NAV3: variants seen among roughly 807,000 people sequenced by gnomAD.
The protein encoded by NAV3 is neuron navigator 3.
In NAV3, 87 loss-of-function variants were observed where a neutral mutation model predicts 244.7. The observed-to-expected ratio is 0.36, with a 90% CI of 0.30 to 0.42. NAV3 has a LOEUF of 0.42. NAV3 is among the 20% of genes least tolerant of loss of function. The pLI, the probability that NAV3 is intolerant of heterozygous loss-of-function variation, is 1.00. For missense variants in NAV3, 2,663 were observed against 2,893.3 expected, an observed-to-expected ratio of 0.92 and a Z score of 1.83; for synonymous variants, 1,126 against 1,042.2, an observed-to-expected ratio of 1.08 and a Z score of -1.55.
At chr12:78,009,129 A>G (rs1874771925) in intron 8 of NAV3, among the ~76,000 whole-genome samples, 2 of 152,222 alleles carry the variant, frequency 1.3e-5, no homozygotes, top group Admixed American at 1.3e-4. Context: ...CAGTGGAAAC[A>G]AATTTAGTGG....
chr12:78,089,999 A>G (rs549180671), intron 12 of NAV3, among the ~76,000 whole-genome samples: 3 of 152,102 alleles, frequency 2.0e-5, no homozygotes, highest in Admixed American at 2.0e-4. Flanking sequence ...TGACATTTAT[A>G]TGATCTTGTT....
At chr12:78,172,455 T>C (rs1958042789) in intron 24 of NAV3, among the ~76,000 whole-genome samples, 1 of 151,466 alleles carries the variant, frequency 6.6e-6, no homozygotes, top group Non-Finnish European at 1.5e-5. Flanking sequence ...TTTAGTCTAG[T>C]GGGAGAGCAG....
chr12:77,902,862 G>A (rs1247759086), intron 1 of NAV3, among the ~76,000 whole-genome samples: 8 of 152,152 alleles, frequency 5.3e-5, no homozygotes, highest in Admixed American at 1.3e-4. Flanking sequence ...GACAAACAGA[G>A]AGCCAAATCA....
intron 5 of NAV3, among the ~76,000 whole-genome samples, chr12:77,993,574 C>T (rs1871811210): frequency 6.6e-6 from 1 of 152,014 alleles, no homozygotes; most frequent in African/African-American, 2.4e-5. Flanking sequence ...TGAAAAGCTC[C>T]CTCTATATGA....
chr12:77,865,914 A>T (rs1879941846), intron 1 of NAV3, among the ~76,000 whole-genome samples: 1 of 137,708 alleles, frequency 7.3e-6, no homozygotes, highest in Admixed American at 7.7e-5. Context: ...GGTAATCAAC[A>T]TACTTTTAAA....
intron 11 of NAV3, among the ~76,000 whole-genome samples, chr12:78,054,529 C>A (rs1883201086): frequency 6.6e-6 from 1 of 152,056 alleles, no homozygotes; most frequent in African/African-American, 2.4e-5. Flanking sequence ...AGGAAATATG[C>A]AAAGTGAATT....
At position 77,734,659 on chromosome 12, in the gene NAV3, T is replaced by C. The variant is rs183056790; in HGVS notation, c.72+162393T>C. Among the ~76,000 whole-genome samples the C allele has an allele frequency of 1.4e-4, 21 of 152,286 alleles. No homozygotes were observed. The East Asian group carries it at 3.5e-3, about 25-fold the overall frequency. On this transcript the variant is annotated intron_variant, in intron 2 of 8. Coordinates refer to the NAV3 transcript ENST00000550042. ...AAATGTGCCTCATTTATTTATTTAT[T>C]TTTTTAAACCTCCAAATGTGGAAGG...
At chr12:78,011,334 A>T (rs562334627) in intron 8 of NAV3, among the ~76,000 whole-genome samples, 164 of 152,266 alleles carry the variant, frequency 1.1e-3, no homozygotes, top group Non-Finnish European at 1.1e-3. Flanking sequence ...AAGATTTTTT[A>T]AAAAAATCTC....
rs566438763 is a variant in NAV3 at position 77,919,775 on chromosome 12, C to T, written c.244-20544C>T. ...ACTGCTCTCAATGGCAATTATACTCCCTTTGCTTAATAGTTGATCAGATTA... is the reference window on the plus strand; with the variant it reads ...ACTGCTCTCAATGGCAATTATACTCTCTTTGCTTAATAGTTGATCAGATTA... On this transcript the variant is annotated intron_variant, in intron 1 of 39. Coordinates refer to ENST00000397909, the MANE Select transcript of NAV3 (RefSeq NM_001024383.2). Among the ~76,000 whole-genome samples, 14 of 151,960 alleles carry T rather than the reference C, an allele frequency of 9.2e-5. No individual in the cohort carries two copies. In the South Asian group the frequency reaches 2.9e-3, roughly 32 times the overall value.
chr12:77,994,979 T>TGCATCA, intron 6 of NAV3, 108 bp downstream of exon 6: 1 of 712,418 alleles, frequency 1.4e-6, no homozygotes, highest in Non-Finnish European at 2.3e-6. Flanking sequence ...GAATGAGAAG[T>TGCATCA]TTAGAGCACT....
chr12:78,028,531 C>G (rs1878451530), intron 9 of NAV3, among the ~76,000 whole-genome samples: 3 of 152,146 alleles, frequency 2.0e-5, no homozygotes, highest in South Asian at 4.1e-4. Context: ...AGTAAGGATG[C>G]CAAGGACGGA....
intron 8 of NAV3, among the ~76,000 whole-genome samples, chr12:78,012,462 C>A (rs915389305): frequency 5.3e-5 from 8 of 152,038 alleles, no homozygotes; most frequent in Admixed American, 5.2e-4. Flanking sequence ...AACATTGCAC[C>A]ATGACCCTCC....
At chr12:77,844,902 C>A (rs1052272454) in intron 1 of NAV3, among the ~76,000 whole-genome samples, 1 of 152,084 alleles carries the variant, frequency 6.6e-6, no homozygotes, top group African/African-American at 2.4e-5. Flanking sequence ...TCAATTTTCT[C>A]GACTTTGGGA....
intron 1 of NAV3, among the ~76,000 whole-genome samples, chr12:77,883,212 T>A (rs147296352): frequency 2.3e-4 from 35 of 152,048 alleles, no homozygotes; most frequent in African/African-American, 8.2e-4. Flanking sequence ...CCATAAACAG[T>A]GGATTGGTTA....
intron 12 of NAV3, among the ~76,000 whole-genome samples, chr12:78,099,637 T>A (rs952978184): frequency 6.6e-6 from 1 of 151,962 alleles, no homozygotes; most frequent in Admixed American, 6.6e-5. Flanking sequence ...AATAGAAGAC[T>A]TTAAATCAAC....
intron 23 of NAV3, among the ~76,000 whole-genome samples, chr12:78,159,695 A>C (rs1489602270): frequency 6.6e-6 from 1 of 152,042 alleles, no homozygotes; most frequent in East Asian, 1.9e-4. Flanking sequence ...ATTCAATTCT[A>C]TACTAAATTA....
At position 77,968,508 on chromosome 12, in the gene NAV3, A is replaced by T. The variant is rs1184163498; in HGVS notation, c.488-11A>T. 2 of 1,600,850 alleles carry T rather than the reference A, an allele frequency of 1.2e-6. No individual in the cohort carries two copies. Among genetic ancestry groups the T allele is most frequent in the Admixed American group, 1.7e-5 (1 of 58,840 alleles). ...ATATGATTCTTTTTTTGTATTTTTC[A>T]TTTCATACAGAAATAAGAAATGGAA... On this transcript the variant is annotated splice_polypyrimidine_tract_variant and intron_variant, in intron 4 of 39. Transcript: ENST00000397909.
intron 37 of NAV3, 66 bp downstream of exon 37, chr12:78,199,597 T>C (rs1959413634): frequency 8.5e-7 from 1 of 1,179,404 alleles, no homozygotes; most frequent in Non-Finnish European, 1.2e-6. Flanking sequence ...GACGGCCAGA[T>C]TGGATGGTAG....
chr12:78,082,603 C>T (rs1451830128), intron 12 of NAV3, among the ~76,000 whole-genome samples: 1 of 152,062 alleles, frequency 6.6e-6, no homozygotes. Flanking sequence ...ATTAGCATTT[C>T]AATAGAACAT....
Sources: allele counts gnomAD v4.1 joint callset (sites outside exome capture counted in the v4.1 genomes callset), GRCh38; gene constraint gnomAD v4.1.1; transcripts MANE v1.5; gene names NCBI Gene and HGNC (gene_info 2026-07-23, HGNC 2026-07-21).